NRK: variants seen among roughly 807,000 people sequenced by gnomAD.
NRK encodes nik-related protein kinase.
A neutral mutation model predicts 125.2 loss-of-function variants in NRK; 67 were observed. The ratio of observed to expected loss-of-function variants is 0.54; its 90% CI spans 0.44 to 0.66. The LOEUF is 0.66. Ranked by LOEUF, NRK falls within the 30% of genes least tolerant of loss-of-function variation. The pLI, the probability that NRK is intolerant of heterozygous loss-of-function variation, is 0.00. For synonymous variants in NRK, 458 were observed against 429.0 expected, an observed-to-expected ratio of 1.07 and a Z score of -0.84; for missense variants, 1,224 against 1,192.9, an observed-to-expected ratio of 1.03 and a Z score of -0.38.
At chrX:105,898,806 C>G (rs1487287095) in intron 8 of NRK, 92 bp downstream of exon 8, 2 of 715,092 alleles carry the variant, frequency 2.8e-6, no homozygotes, top group Non-Finnish European at 3.9e-6. Flanking sequence ...AAATAAAAAG[C>G]AGGCAGCTCC....
At position 105,863,190 on chromosome X, in the gene NRK, T is replaced by A. The variant is rs184051123; in HGVS notation, c.124-17009T>A. 2.0e-3 allele frequency among the ~76,000 whole-genome samples: 221 copies of A among 111,601 alleles called. 3 individuals carry two copies. Among genetic ancestry groups the A allele is most frequent in the African/African-American group, 7.0e-3 (214 of 30,720 alleles). On this transcript the variant is annotated intron_variant, in intron 2 of 28. Transcript: ENST00000243300. ...AAGACACTAGGGATGGTTTTAAGGA[T>A]GCTGAAGTTGCAGAAGGTACGAAGG...
chrX:105,891,550 G>T (rs1201537398), intron 5 of NRK, among the ~76,000 whole-genome samples: 1 of 111,438 alleles, frequency 9.0e-6, no homozygotes, highest in Non-Finnish European at 1.9e-5. Flanking sequence ...TAGGACAGTG[G>T]ACATTATAGA....
At chrX:105,924,329 G>C (rs1454196170) in intron 18 of NRK, among the ~76,000 whole-genome samples, 1 of 110,931 alleles carries the variant, frequency 9.0e-6, no homozygotes, top group Non-Finnish European at 1.9e-5. Context: ...TAAAACATAG[G>C]CTTAATCATT....
At chrX:105,888,525 C>T in intron 5 of NRK, 106 bp downstream of exon 5, 23 of 658,784 alleles carry the variant, frequency 3.5e-5, no homozygotes, top group Non-Finnish European at 5.2e-5. Flanking sequence ...AAACTTAGCA[C>T]ACAACTGTTA....
chrX:105,928,032 C>T (rs920639535), intron 19 of NRK, among the ~76,000 whole-genome samples: 1 of 111,450 alleles, frequency 9.0e-6, no homozygotes, highest in Non-Finnish European at 1.9e-5. Context: ...GAATTCCCTT[C>T]CCTTCAACTT....
At chrX:105,937,729 T>C (rs966975658) in intron 22 of NRK, 147 bp downstream of exon 22, 3 of 361,669 alleles carry the variant, frequency 8.3e-6, no homozygotes, top group Non-Finnish European at 9.6e-6. Flanking sequence ...CCTACTTATA[T>C]TATCTTATCT....
chrX:105,877,409 T>A (rs2039828785), intron 2 of NRK, among the ~76,000 whole-genome samples: 1 of 111,473 alleles, frequency 9.0e-6, no homozygotes, highest in Non-Finnish European at 1.9e-5. Flanking sequence ...AAAATTTAGT[T>A]AAGAGTATTA....
At chrX:105,936,359 T>A (rs1011931107) in intron 21 of NRK, among the ~76,000 whole-genome samples, 3 of 112,307 alleles carry the variant, frequency 2.7e-5, no homozygotes, top group Admixed American at 9.5e-5. Flanking sequence ...AGAAATGTAG[T>A]TAATGTCTAA....
At chrX:105,832,354 G>T (rs2147640665) in intron 2 of NRK, among the ~76,000 whole-genome samples, 1 of 111,254 alleles carries the variant, frequency 9.0e-6, no homozygotes, top group South Asian at 3.9e-4. Flanking sequence ...GTTTGGGGAT[G>T]GGGTGCTTTA....
chrX:105,929,416 T>TTCC (rs2040566285), intron 19 of NRK, among the ~76,000 whole-genome samples: 2 of 111,362 alleles, frequency 1.8e-5, no homozygotes, highest in Non-Finnish European at 3.8e-5. Flanking sequence ...CAACATATAA[T>TTCC]TGGGTATTTT....
intron 23 of NRK, among the ~76,000 whole-genome samples, 181 bp downstream of exon 23, chrX:105,940,213 A>G (rs1273584371): frequency 9.0e-6 from 1 of 111,509 alleles, no homozygotes; most frequent in Non-Finnish European, 1.9e-5. Context: ...AAAGAAGAGT[A>G]AATTTCACTG....
chrX:105,837,930 T>C (rs1377734533), intron 2 of NRK, among the ~76,000 whole-genome samples: 1 of 111,243 alleles, frequency 9.0e-6, no homozygotes, highest in African/African-American at 3.3e-5. Context: ...ACCTTTAGGG[T>C]GGCAAAATTG....
intron 2 of NRK, among the ~76,000 whole-genome samples, chrX:105,837,023 A>G (rs1022121306): frequency 2.7e-5 from 3 of 112,050 alleles, no homozygotes; most frequent in Non-Finnish European, 3.8e-5. Context: ...TTAACCAGCT[A>G]ATATATCATT....
chrX:105,877,328 G>C (rs769951160), intron 2 of NRK, among the ~76,000 whole-genome samples: 17 of 111,748 alleles, frequency 1.5e-4, no homozygotes, highest in Non-Finnish European at 2.3e-4. Context: ...TAGCTAAATA[G>C]AATGTAGGAT....
chrX:105,949,206 A>T (rs1490173642), intron 26 of NRK, among the ~76,000 whole-genome samples: 1 of 112,120 alleles, frequency 8.9e-6, no homozygotes, highest in Non-Finnish European at 1.9e-5. Context: ...TACATTAATT[A>T]CTAAAGTATT....
chrX:105,895,833 A>G (rs1308979590), intron 7 of NRK, among the ~76,000 whole-genome samples: 1 of 112,088 alleles, frequency 8.9e-6, no homozygotes, highest in Non-Finnish European at 1.9e-5. Flanking sequence ...TATTTCAACA[A>G]TTGAATTGAG....
chrX:105,904,764 T>A (rs2040199900), intron 9 of NRK, among the ~76,000 whole-genome samples: 1 of 111,217 alleles, frequency 9.0e-6, no homozygotes, highest in South Asian at 3.8e-4. Flanking sequence ...TTCTTAACAG[T>A]TGCACTATAC....
intron 1 of NRK, among the ~76,000 whole-genome samples, chrX:105,823,764 T>C (rs1387457578): frequency 1.8e-5 from 2 of 111,541 alleles, no homozygotes; most frequent in Admixed American, 9.5e-5. Flanking sequence ...CCCAAATCCG[T>C]GTTTCAAGTT....
chrX:105,852,520 A>T (rs920352484), intron 2 of NRK, among the ~76,000 whole-genome samples: 5 of 112,129 alleles, frequency 4.5e-5, no homozygotes, highest in African/African-American at 1.6e-4. Context: ...CCTTTGGATT[A>T]TCCAGTTGCT....
Sources: allele counts gnomAD v4.1 joint callset (sites outside exome capture counted in the v4.1 genomes callset), GRCh38; gene constraint gnomAD v4.1.1; transcripts MANE v1.5; gene names NCBI Gene and HGNC (gene_info 2026-07-23, HGNC 2026-07-21).